Variants in TPPP observed in about 807,000 individuals in gnomAD.
TPPP encodes tubulin polymerization promoting protein.
Under a neutral mutation model 15.5 loss-of-function variants are expected in TPPP, and 6 were observed. That is an observed-to-expected ratio of 0.39 (90% CI 0.21 to 0.77). TPPP has a LOEUF of 0.77. Among genes scored for constraint, TPPP ranks in the 30% least tolerant of loss-of-function variants. The pLI is 0.42. For missense variants in TPPP, 269 were observed against 307.2 expected (o/e 0.88, Z 0.93); for synonymous variants, 146 against 133.9 (o/e 1.09, Z -0.63).
chr5:673,737 G>A (rs1267693097), intron 2 of TPPP, among the ~76,000 whole-genome samples: 2 of 152,156 alleles, frequency 1.3e-5, no homozygotes, highest in African/African-American at 4.8e-5. Flanking sequence ...TGAATGTGCT[G>A]GAGCAGGGGG....
At chr5:688,019 A>G (rs1740807340) in intron 1 of TPPP, among the ~76,000 whole-genome samples, 1 of 94,042 alleles carries the variant, frequency 1.1e-5, no homozygotes, top group African/African-American at 3.8e-5. Flanking sequence ...ACAAAAGGCT[A>G]AGACATTGCA....
At chr5:700,405 G>A in the TPPP span, among the ~76,000 whole-genome samples, 9 of 151,992 alleles carry the variant, frequency 5.9e-5, no homozygotes, top group Non-Finnish European at 1.3e-4. Flanking sequence ...TGGACGTATG[G>A]AGTGGAATAA....
At chr5:693,110 C>T (rs577077797) in intron 1 of TPPP, among the ~76,000 whole-genome samples, 168 bp downstream of exon 1, 8,628 of 112,858 alleles carry the variant, frequency 0.076, 940 homozygotes, top group African/African-American at 0.26. Flanking sequence ...CTCCGGGCAT[C>T]CCAATCCGGG....
chr5:696,963 T>G (rs1199325054), upstream of TPPP, among the ~76,000 whole-genome samples: 822 of 145,498 alleles, frequency 5.6e-3, 1 homozygote, highest in African/African-American at 0.02. Flanking sequence ...CACGTGCCTG[T>G]GTCTGTGTGT....
At chr5:685,898 G>A (rs1740753216) in intron 1 of TPPP, among the ~76,000 whole-genome samples, 1 of 152,114 alleles carries the variant, frequency 6.6e-6, no homozygotes, top group Non-Finnish European at 1.5e-5. Flanking sequence ...CAGGTGGGAG[G>A]ATGGAACATT....
chr5:686,146 G>A lies in TPPP; in HGVS notation c.-5+7132C>T, dbSNP rs566448952. Among the ~76,000 whole-genome samples the A allele has an allele frequency of 5.1e-4, 77 of 152,298 alleles. 1 individual carries two copies. Among genetic ancestry groups the A allele is most frequent in the Admixed American group, 1.8e-3 (27 of 15,308 alleles). On this transcript the variant is annotated intron_variant, in intron 1 of 3. Transcript: ENST00000360578. ...GGCCAACACCATTTCTCTAAAGCAC[G>A]ACACAGGACATTCCACCAACAGAGC...
intron 2 of TPPP, among the ~76,000 whole-genome samples, chr5:671,582 G>A (rs1740226143): frequency 2.6e-5 from 4 of 152,218 alleles, no homozygotes; most frequent in Admixed American, 1.3e-4. Flanking sequence ...GGTGCCTGTC[G>A]CCGCACAGTG....
In TPPP at chr5:679,263, G is replaced by T. The variant is rs547097351; in HGVS notation, c.-4-1199C>A. Among the ~76,000 whole-genome samples the T allele has an allele frequency of 3.0e-4, 45 of 152,264 alleles. 1 individual carries two copies. In the East Asian group the frequency reaches 8.3e-3, roughly 28 times the overall value. On this transcript the variant is annotated intron_variant, in intron 1 of 3. Transcript: ENST00000360578. ...AAAACAGCCAGAAAAAAATCCAGGG[G>T]CACTCCCTCCACTGAGGACCTTAAG... is the stretch of plus-strand genomic sequence containing the variant.
At chr5:692,464 ACAG>A (rs1579203082) in intron 1 of TPPP, 1 of 898,006 alleles carries the variant, frequency 1.1e-6, no homozygotes, top group African/African-American at 1.8e-5. Context: ...CCCTATCAAA[ACAG>A]CAGCCCCCCA....
At position 677,018 on chromosome 5, in the gene TPPP, G is replaced by A. The variant is rs181946897; in HGVS notation, c.311+732C>T. On this transcript the variant is annotated intron_variant, in intron 2 of 3. Coordinates refer to ENST00000360578, the MANE Select transcript of TPPP (RefSeq NM_007030.3). ...CGCACACGTGCACACGCAGAAACGC[G>A]CACACGTGCACACACGACGCGGAAA... Among the ~76,000 whole-genome samples, 12 of 144,836 alleles carry A rather than the reference G, an allele frequency of 8.3e-5. No homozygotes were observed. The East Asian group carries it at 2.0e-3, about 24-fold the overall frequency.
chr5:692,473 CCCCAAA>C, intron 1 of TPPP: 1 of 864,918 alleles, frequency 1.2e-6, no homozygotes, highest in Non-Finnish European at 1.4e-6. Flanking sequence ...AACAGCAGCC[CCCCAAA>C]CCCCCATCAA....
At chr5:675,652 C>G (rs1395058136) in intron 2 of TPPP, among the ~76,000 whole-genome samples, 2 of 151,844 alleles carry the variant, frequency 1.3e-5, no homozygotes, top group South Asian at 2.1e-4. Flanking sequence ...GTTGGACGGA[C>G]CCTCGAGGGC....
rs1739592953 is a variant in TPPP, at chr5:661,334, T to A, written c.*3768A>T. Reference sequence around the variant, plus strand: ...CTCTTGTCACCCCCAACAGAACCTGTCCCTCTCTCCTGGTGTCACCCATGA... The same window carrying A: ...CTCTTGTCACCCCCAACAGAACCTGACCCTCTCTCCTGGTGTCACCCATGA... On this transcript the variant is annotated 3_prime_UTR_variant, in exon 4 of 4. Coordinates refer to ENST00000360578, the MANE Select transcript of TPPP (RefSeq NM_007030.3). 1 of 152,886 alleles carries A rather than the reference T, an allele frequency of 6.5e-6. No individual in the cohort carries two copies. The highest frequency in any genetic ancestry group is 2.4e-5 in the African/African-American group (1 of 41,154). The allele number at this position is 152,886 out of a possible 1,614,324, so 9.5% of individuals were successfully genotyped here.
At chr5:685,358 G>A (rs1561093465) in intron 1 of TPPP, among the ~76,000 whole-genome samples, 1 of 152,204 alleles carries the variant, frequency 6.6e-6, no homozygotes, top group Non-Finnish European at 1.5e-5. Context: ...CTGTGGCAGC[G>A]TCCCCAGCAC....
upstream of TPPP, among the ~76,000 whole-genome samples, chr5:694,037 GCGCGCACCCC>G (rs1292656201): frequency 0.6 from 70,652 of 117,002 alleles, 18,863 homozygotes; most frequent in Non-Finnish European, 0.68. Context: ...GAGGAGCGGA[GCGCGCACCCC>G]TGACCCCGGC....
Position 666,033 on chromosome 5 carries a change from C to T in TPPP, c.402G>A (p.Glu134=). Residue 134 remains glutamate (E), a synonymous_variant, in exon 3 of 4, where the codon GAG becomes GAA. Coordinates refer to ENST00000360578, the MANE Select transcript of TPPP (RefSeq NM_007030.3). The part of the protein sequence containing the change: ...AKKRFKDKSS[E]EAVREVHRLI... ...GCCTGTGCACCTCGCGAACGGCCTC[C>T]TCGCTGCTCTTGTCTTTGAATCGCT... The T allele has an allele frequency of 6.2e-7, 1 of 1,611,542 alleles. No individual in the cohort carries two copies. The highest frequency in any genetic ancestry group is 8.5e-7 in the Non-Finnish European group (1 of 1,179,682).
chr5:670,300 G>A (rs774479242), intron 2 of TPPP, among the ~76,000 whole-genome samples: 20 of 152,226 alleles, frequency 1.3e-4, no homozygotes, highest in African/African-American at 2.9e-4. Context: ...GGGGGCCGGC[G>A]GGCGAGGTGA....
Position 669,149 on chromosome 5 carries a change from A to AG in TPPP, c.312-3027dup. On this transcript the variant is annotated intron_variant, in intron 2 of 3. Transcript: ENST00000360578. ...GGAGCGGAGGCCTCGCTGTGTCCGG[A>AG]GGGGGCTTTGGGGAGACAGAGCCCC... Among the ~76,000 whole-genome samples the AG allele has an allele frequency of 7.2e-5, 11 of 152,238 alleles. 4 individuals are homozygous for AG. The highest frequency in any genetic ancestry group is 7.2e-4 in the Admixed American group (11 of 15,312).
At chr5:687,017 A>G (rs1395867502) in intron 1 of TPPP, among the ~76,000 whole-genome samples, 1 of 136,252 alleles carries the variant, frequency 7.3e-6, no homozygotes, top group East Asian at 2.0e-4. Flanking sequence ...TGAACATATC[A>G]TTTCATAAAT....
Sources: allele counts gnomAD v4.1 joint callset (sites outside exome capture counted in the v4.1 genomes callset), GRCh38; gene constraint gnomAD v4.1.1; transcripts MANE v1.5; gene names NCBI Gene and HGNC (gene_info 2026-07-23, HGNC 2026-07-21).